Variants in RBSN observed in about 807,000 individuals in gnomAD.
The protein encoded by RBSN is rabenosyn-5.
RBSN carries 34 observed loss-of-function variants against 60.5 expected under a neutral mutation model. That is an observed-to-expected ratio of 0.56 (90% CI 0.43 to 0.75). RBSN has a LOEUF of 0.75. RBSN is among the 30% of genes least tolerant of loss of function. The pLI is 0.00. For missense variants in RBSN, 845 were observed against 986.8 expected (o/e 0.86, Z 1.92); for synonymous variants, 322 against 366.9 (o/e 0.88, Z 1.40).
chr3:15,090,642 G>T, intron 4 of RBSN, 103 bp from the exon 5 acceptor site: 4 of 1,469,500 alleles, frequency 2.7e-6, no homozygotes, highest in Non-Finnish European at 3.6e-6. Context: ...ATTATCGTTT[G>T]TTTAAAAATG....
intron 8 of RBSN, among the ~76,000 whole-genome samples, chr3:15,083,616 CCT>C (rs2043262125): frequency 6.6e-6 from 1 of 152,068 alleles, no homozygotes; most frequent in Admixed American, 6.6e-5. Flanking sequence ...CCTAAAATGT[CCT>C]CTTTCTCCAT....
At chr3:15,075,080 G>C in intron 13 of RBSN, 150 bp from the exon 14 acceptor site, 1 of 979,450 alleles carries the variant, frequency 1.0e-6, no homozygotes, top group South Asian at 1.7e-5. Flanking sequence ...CTAAAATCAA[G>C]TCATGTTTTT....
rs770810613 is a variant in RBSN, at chr3:15,082,540, C to T, written c.667G>A (p.Val223Ile). 1.9e-6 allele frequency: 3 copies of T among 1,614,024 alleles called. No individual in the cohort carries two copies. The African/African-American group carries it at 4.0e-5, about 22-fold the overall frequency. ...ATGCTGCCTCGGCGGGAGCCATGGA[C>T]ACTGTTGGGTGACTGGCTGGGGCTG... ...HTSPSQSPNS[V>I]HGSRRGSISS... Residue 223 changes from valine (V) to isoleucine (I), a missense_variant, in exon 9 of 14, where the codon GTC becomes ATC. Transcript: ENST00000253699. The surrounding 1 kb of genome is among the most constrained non-coding windows in gnomAD (Gnocchi z 4.2).
At position 15,086,443 on chromosome 3, in the gene RBSN, G is replaced by C. The variant is rs563413239; in HGVS notation, c.290-482C>G. 6.9e-4 allele frequency among the ~76,000 whole-genome samples: 105 copies of C among 152,298 alleles called. 1 individual carries two copies. The highest frequency in any genetic ancestry group is 2.5e-3 in the African/African-American group (103 of 41,552). On this transcript the variant is annotated intron_variant, in intron 5 of 13. Coordinates refer to ENST00000253699, the MANE Select transcript of RBSN (RefSeq NM_022340.4). ...TAGAGCAGATAAGAGCATGGACTCT[G>C]GAGTCAGCCTGTGCTCAAGTTTCAA... is the stretch of plus-strand genomic sequence containing the variant.
chr3:15,091,571 C>T, intron 4 of RBSN: 1 of 1,143,832 alleles, frequency 8.7e-7, no homozygotes, highest in Non-Finnish European at 1.1e-6. Flanking sequence ...ATCGTATGTA[C>T]CAGGTACAAC....
intron 12 of RBSN, 66 bp from the exon 13 acceptor site, chr3:15,075,776 A>G: frequency 7.6e-7 from 1 of 1,314,270 alleles, no homozygotes; most frequent in Non-Finnish European, 1.1e-6. Context: ...CTTAAGCCCC[A>G]TGATGAGAGT....
rs1365445209 is a variant in RBSN, at chr3:15,096,072, G to C, written c.49C>G (p.Pro17Ala). The C allele has an allele frequency of 1.2e-6, 2 of 1,612,096 alleles. No homozygotes were observed. The highest frequency in any genetic ancestry group is 3.3e-5 in the Admixed American group (2 of 59,862). Residue 17 changes from proline (P) to alanine (A), a missense_variant, in exon 4 of 14, where the codon CCT becomes GCT. Coordinates refer to ENST00000253699, the MANE Select transcript of RBSN (RefSeq NM_022340.4). ...GACTGCAGATCCTTCAGGCACAGAG[G>C]GCAGAGGAAGCCCTCCCTCACTTCC... ...PGEVREGFLC[P>A]LCLKDLQSFY...
Position 15,082,332 on chromosome 3 carries a change from A to T in RBSN, c.840+35T>A. The T allele has an allele frequency of 6.3e-7, 1 of 1,595,336 alleles. No homozygotes were observed. On this transcript the variant is annotated intron_variant, in intron 9 of 13. Transcript: ENST00000253699. This position sits in a 1 kb window ranked among gnomAD's most constrained non-coding sequence, Gnocchi z 4.2. ...CATAACAAACAGCCAAATCTGCCTA[A>T]GAAATTAGACCCAAGACCAGACAGC...
At chr3:15,089,479 A>AAC (rs2043446252) in intron 5 of RBSN, among the ~76,000 whole-genome samples, 17 of 104,016 alleles carry the variant, frequency 1.6e-4, no homozygotes, top group African/African-American at 4.0e-4. Flanking sequence ...AAAAAAAAAC[A>AAC]AAAAAAAAAA....
rs908931416 is a variant in RBSN at position 15,071,555 on chromosome 3, T to C, written c.*2227A>G. 6.6e-6 allele frequency: 1 copy of C among 152,272 alleles called. No individual in the cohort carries two copies. Among genetic ancestry groups the C allele is most frequent in the African/African-American group, 2.4e-5 (1 of 41,468 alleles). 9.4% of individuals were successfully genotyped at this position (152,272 alleles called of 1,614,324 possible). On this transcript the variant is annotated 3_prime_UTR_variant, in exon 14 of 14. Coordinates refer to ENST00000253699, the MANE Select transcript of RBSN (RefSeq NM_022340.4). ...GCTGACATTCATTAACACACTCATA[T>C]GGCTGTTTGTGAACAGATCCCAAAT...
Position 15,082,708 on chromosome 3 carries a change from G to C in RBSN, c.599-100C>G. The C allele has an allele frequency of 6.7e-7, 1 of 1,486,752 alleles. No individual in the cohort carries two copies. The highest frequency in any genetic ancestry group is 1.3e-5 in the South Asian group (1 of 75,598). 92.1% of individuals were successfully genotyped at this position (1,486,752 alleles called of 1,614,324 possible). On this transcript the variant is annotated intron_variant, in intron 8 of 13. Coordinates refer to ENST00000253699, the MANE Select transcript of RBSN (RefSeq NM_022340.4). The surrounding 1 kb of genome is among the most constrained non-coding windows in gnomAD (Gnocchi z 4.2). ...AGTCCACAGGTGTTTGATTTGGAGA[G>C]TAATAAGATCAGGCTCCAGCTGTGG...
intron 1 of RBSN, 28 bp downstream of exon 1, chr3:15,099,007 C>G (rs1005047085): frequency 2.0e-5 from 3 of 152,544 alleles, no homozygotes; most frequent in Non-Finnish European, 4.4e-5. Context: ...CCCCGCCCCC[C>G]AGACTGGGCC....
In RBSN at chr3:15,073,840, G is replaced by A. The variant is rs780454425; in HGVS notation, c.2297C>T (p.Thr766Ile). 2.9e-5 allele frequency: 46 copies of A among 1,613,578 alleles called. No homozygotes were observed. Among genetic ancestry groups the A allele is most frequent in the Non-Finnish European group, 3.6e-5 (42 of 1,179,964 alleles). ...GTGCTTCAGCTCCCGCAGATTCTCTGTCAGCACCTCTACCTCATCCAGGCG... is the reference window on the plus strand; with the variant it reads ...GTGCTTCAGCTCCCGCAGATTCTCTATCAGCACCTCTACCTCATCCAGGCG... ...CGRLDEVEVL[T>I]ENLRELKHTL... is the part of the protein sequence containing the mutation. Residue 766 changes from threonine to isoleucine, a missense_variant, in exon 14 of 14, where the codon ACA becomes ATA. Transcript: ENST00000253699.
intron 10 of RBSN, among the ~76,000 whole-genome samples, chr3:15,080,256 A>C (rs2043170216): frequency 6.6e-6 from 1 of 151,942 alleles, no homozygotes; most frequent in African/African-American, 2.4e-5. Flanking sequence ...AAAAAAAAAA[A>C]AAAAAAGCAG....
Position 15,084,723 on chromosome 3 carries a change from C to CA in RBSN, c.598+11dup, listed in dbSNP as rs1172048540. On this transcript the variant is annotated intron_variant, in intron 8 of 13. Transcript: ENST00000253699. The surrounding 1 kb of genome is among the most constrained non-coding windows in gnomAD (Gnocchi z 4.2). ...AGATGAGGGTCCAGGGCCCCACCTC[C>CA]AAGTCACCTACTTGCCAAGGGAAGG... is the stretch of plus-strand genomic sequence containing the variant. The CA allele has an allele frequency of 1.3e-6, 2 of 1,578,252 alleles. No individual in the cohort carries two copies. The highest frequency in any genetic ancestry group is 3.7e-5 in the Admixed American group (2 of 53,522).
At chr3:15,083,498 C>T (rs2043259342) in intron 8 of RBSN, among the ~76,000 whole-genome samples, 1 of 152,130 alleles carries the variant, frequency 6.6e-6, no homozygotes, top group Admixed American at 6.5e-5. Flanking sequence ...GGATCGGGTT[C>T]CACCTAAACT....
At chr3:15,085,721 T>C (rs1026319372) in intron 6 of RBSN, 140 bp downstream of exon 6, 15 of 712,588 alleles carry the variant, frequency 2.1e-5, no homozygotes, top group Non-Finnish European at 3.6e-5. Flanking sequence ...ACCATGTCCT[T>C]TGCACCTCTC....
At chr3:15,090,704 C>T (rs2043490035) in intron 4 of RBSN, among the ~76,000 whole-genome samples, 165 bp from the exon 5 acceptor site, 1 of 152,190 alleles carries the variant, frequency 6.6e-6, no homozygotes, top group African/African-American at 2.4e-5. Context: ...CACACAAACA[C>T]TATATTACAA....
chr3:15,097,611 A>T (rs576795294), intron 2 of RBSN, among the ~76,000 whole-genome samples: 1 of 152,332 alleles, frequency 6.6e-6, no homozygotes, highest in South Asian at 2.1e-4. Flanking sequence ...TTACTGGCTC[A>T]TGGCAAAGTC....
Sources: allele counts gnomAD v4.1 joint callset (sites outside exome capture counted in the v4.1 genomes callset), GRCh38; gene constraint gnomAD v4.1.1; non-coding constraint Gnocchi (gnomAD v3.1); transcripts MANE v1.5; gene names NCBI Gene and HGNC (gene_info 2026-07-23, HGNC 2026-07-21).